Variants in GRID2 observed in about 807,000 individuals in gnomAD.
GRID2 encodes the protein glutamate receptor ionotropic, delta-2.
A neutral mutation model predicts 114.8 loss-of-function variants in GRID2; 33 were observed. The observed-to-expected ratio is 0.29, with a 90% CI of 0.22 to 0.38. The LOEUF (loss-of-function observed/expected upper bound fraction) is 0.38. Among genes scored for constraint, GRID2 ranks in the 10% least tolerant of loss-of-function variants. The pLI, the probability that GRID2 is intolerant of heterozygous loss-of-function variation, is 1.00. For synonymous variants in GRID2, 505 were observed against 449.9 expected, an observed-to-expected ratio of 1.12 and a Z score of -1.55; for missense variants, 1,184 against 1,257.7, an observed-to-expected ratio of 0.94 and a Z score of 0.89.
chr4:92,912,178 A>T (rs1748435671), intron 2 of GRID2, among the ~76,000 whole-genome samples: 1 of 151,946 alleles, frequency 6.6e-6, no homozygotes, highest in Non-Finnish European at 1.5e-5. Flanking sequence ...TAGGTTTTCC[A>T]AAGTAAAATG....
chr4:93,052,759 T>A (rs182672613), intron 2 of GRID2, among the ~76,000 whole-genome samples: 1 of 151,868 alleles, frequency 6.6e-6, no homozygotes. Context: ...TTTAAAAAGT[T>A]TACTCTTCTC....
intron 11 of GRID2, among the ~76,000 whole-genome samples, chr4:93,459,800 A>T (rs1000227240): frequency 6.6e-6 from 1 of 152,186 alleles, no homozygotes; most frequent in Non-Finnish European, 1.5e-5. Context: ...TCATTTTAGA[A>T]TTTGAACCTT....
intron 2 of GRID2, among the ~76,000 whole-genome samples, chr4:93,022,803 A>G (rs1159577694): frequency 6.6e-6 from 1 of 151,960 alleles, no homozygotes; most frequent in South Asian, 2.1e-4. Context: ...TTACTTACTA[A>G]TGGTAAAAAC....
chr4:92,785,406 G>A (rs1256143788), intron 2 of GRID2, among the ~76,000 whole-genome samples: 1 of 150,744 alleles, frequency 6.6e-6, no homozygotes, highest in Non-Finnish European at 1.5e-5. Flanking sequence ...ATTAAATATT[G>A]TTTTCTTTCA....
intron 14 of GRID2, among the ~76,000 whole-genome samples, chr4:93,753,140 A>G (rs1431471041): frequency 6.6e-6 from 1 of 152,342 alleles, no homozygotes; most frequent in Middle Eastern, 3.4e-3. Flanking sequence ...CTACATGCCT[A>G]CAGGCAGCCT....
At chr4:93,400,858 A>G (rs1254626266) in intron 9 of GRID2, among the ~76,000 whole-genome samples, 1 of 152,070 alleles carries the variant, frequency 6.6e-6, no homozygotes, top group African/African-American at 2.4e-5. Context: ...TTTTATTGAG[A>G]CAGGCTCTCA....
chr4:93,782,252 A>G (rs933877126), intron 1 of GRID2, among the ~76,000 whole-genome samples: 1 of 152,122 alleles, frequency 6.6e-6, no homozygotes, highest in African/African-American at 2.4e-5. Context: ...CAGGCAGCAG[A>G]CAGACATACC....
At chr4:93,051,120 G>T (rs538388953) in intron 2 of GRID2, among the ~76,000 whole-genome samples, 1 of 152,128 alleles carries the variant, frequency 6.6e-6, no homozygotes, top group African/African-American at 2.4e-5. Context: ...AATTTGGCAT[G>T]TGTAATGACC....
At chr4:92,764,726 C>T (rs1158648192) in intron 2 of GRID2, among the ~76,000 whole-genome samples, 1 of 152,192 alleles carries the variant, frequency 6.6e-6, no homozygotes, top group African/African-American at 2.4e-5. Context: ...TCCATGTCTT[C>T]TTTTCCCATC....
chr4:93,664,152 G>A (rs1723749717), intron 14 of GRID2, among the ~76,000 whole-genome samples: 1 of 152,182 alleles, frequency 6.6e-6, no homozygotes, highest in Non-Finnish European at 1.5e-5. Flanking sequence ...CAGTGCAAAG[G>A]CCCTGAGGTA....
chr4:93,069,026 G>A (rs1467772438), intron 2 of GRID2, among the ~76,000 whole-genome samples: 2 of 151,702 alleles, frequency 1.3e-5, no homozygotes, highest in East Asian at 1.9e-4. Flanking sequence ...GAGGAGGGAG[G>A]TGCTACACAC....
intron 1 of GRID2, among the ~76,000 whole-genome samples, chr4:92,340,715 T>A (rs1727437658): frequency 6.6e-6 from 1 of 152,218 alleles, no homozygotes; most frequent in African/African-American, 2.4e-5. Flanking sequence ...CTATATTGAA[T>A]TATAATTTTT....
At chr4:93,227,141 A>G (rs1745573810) in intron 7 of GRID2, among the ~76,000 whole-genome samples, 1 of 152,106 alleles carries the variant, frequency 6.6e-6, no homozygotes, top group Non-Finnish European at 1.5e-5. Context: ...TCTTTCTCCT[A>G]TTGTCCTGAT....
chr4:92,678,866 A>C (rs1000341819), intron 2 of GRID2, among the ~76,000 whole-genome samples: 2 of 151,988 alleles, frequency 1.3e-5, no homozygotes, highest in African/African-American at 4.8e-5. Flanking sequence ...ATATTTTCAA[A>C]AGTGAAACTT....
At chr4:92,414,106 A>C (rs1270449444) in intron 1 of GRID2, among the ~76,000 whole-genome samples, 1 of 148,298 alleles carries the variant, frequency 6.7e-6, no homozygotes, top group Non-Finnish European at 1.5e-5. Flanking sequence ...TTGGCATCAT[A>C]AGTAAGTTTG....
At chr4:93,224,281 A>T (rs536120125) in intron 6 of GRID2, among the ~76,000 whole-genome samples, 1 of 152,318 alleles carries the variant, frequency 6.6e-6, no homozygotes, top group South Asian at 2.1e-4. Flanking sequence ...AAACCCTTAG[A>T]TTCTTACCTC....
intron 1 of GRID2, among the ~76,000 whole-genome samples, chr4:92,387,447 C>T (rs1730019221): frequency 6.6e-6 from 1 of 151,804 alleles, no homozygotes. Context: ...TTTTATAAGC[C>T]CTGATTTTGC....
chr4:92,673,721 A>T (rs1009512350), intron 2 of GRID2, among the ~76,000 whole-genome samples: 3 of 152,078 alleles, frequency 2.0e-5, no homozygotes, highest in Admixed American at 2.0e-4. Flanking sequence ...ATTGTTCCTG[A>T]TAAGAAGACA....
intron 4 of GRID2, among the ~76,000 whole-genome samples, chr4:93,169,356 T>C (rs1225368747): frequency 6.6e-6 from 1 of 152,194 alleles, no homozygotes; most frequent in African/African-American, 2.4e-5. Context: ...AATAGTTATA[T>C]ACAACTTAGT....
Sources: gnomAD v4.1 joint callset for allele counts (sites outside exome capture counted in the v4.1 genomes callset) on GRCh38, gnomAD v4.1.1 for gene constraint, MANE v1.5 for transcripts, NCBI Gene and HGNC (gene_info 2026-07-23, HGNC 2026-07-21) for gene names.